PCDHA1: variants seen among roughly 807,000 people sequenced by gnomAD.
The protein encoded by PCDHA1 is protocadherin alpha 1, also known as protocadherin alpha-1.
PCDHA1 carries 42 observed loss-of-function variants against 61.3 expected under a neutral mutation model. The ratio of observed to expected loss-of-function variants is 0.69; its 90% CI spans 0.54 to 0.89. The LOEUF is 0.89. Among genes scored for constraint, PCDHA1 ranks in the 40% least tolerant of loss-of-function variants. PCDHA1 has a pLI of 0.00. For missense variants in PCDHA1, 1,256 were observed against 1,235.3 expected, an observed-to-expected ratio of 1.02 and a Z score of -0.25; for synonymous variants, 610 against 553.8, an observed-to-expected ratio of 1.10 and a Z score of -1.43.
At chr5:140,877,605 G>A (rs1554169915) in intron 1 of PCDHA1, 1 of 1,613,856 alleles carries the variant, frequency 6.2e-7, no homozygotes, top group Non-Finnish European at 8.5e-7. Context: ...CCAGCCTGCT[G>A]GTGCTCACGC....
At chr5:140,905,928 A>G (rs2072211023) in intron 1 of PCDHA1, among the ~76,000 whole-genome samples, 1 of 152,238 alleles carries the variant, frequency 6.6e-6, no homozygotes, top group Admixed American at 6.5e-5. Context: ...TGAGTCCCAA[A>G]GCTGAAGAAC....
At chr5:140,806,640 G>GA (rs11459112) in intron 1 of PCDHA1, among the ~76,000 whole-genome samples, 75,457 of 151,900 alleles carry the variant, frequency 0.5, 19,052 homozygotes, top group Middle Eastern at 0.62. Context: ...ATACTAGGGT[G>GA]AAGAGGGTGT....
rs2150125758 is a variant in PCDHA1 at position 140,823,426 on chromosome 5, C to A, written c.2394+34742C>A. 13 of 1,613,328 alleles carry A rather than the reference C, an allele frequency of 8.1e-6. No individual in the cohort carries two copies. The East Asian group carries it at 8.9e-5, about 11-fold the overall frequency. On this transcript the variant is annotated intron_variant, in intron 1 of 3. Coordinates refer to ENST00000504120, the MANE Select transcript of PCDHA1 (RefSeq NM_018900.4). Reference sequence around the variant, plus strand: ...GCCTCTGGGCAGCAACGTGACGCTGCAGGTGTTCGTGCTGGACGAGAACGA... The same window carrying A: ...GCCTCTGGGCAGCAACGTGACGCTGAAGGTGTTCGTGCTGGACGAGAACGA...
intron 1 of PCDHA1, among the ~76,000 whole-genome samples, chr5:140,972,955 C>T (rs1450892735): frequency 6.6e-6 from 1 of 152,080 alleles, no homozygotes; most frequent in African/African-American, 2.4e-5. Context: ...AGCCACCATG[C>T]CCGGCAAAGG....
Position 140,786,981 on chromosome 5 carries a change from A to T in PCDHA1, c.691A>T (p.Thr231Ser). 6.2e-7 allele frequency: 1 copy of T among 1,614,174 alleles called. No individual in the cohort carries two copies. The highest frequency in any genetic ancestry group is 8.5e-7 in the Non-Finnish European group (1 of 1,180,010). The change falls in exon 1 of 4, where the codon ACC (threonine) becomes TCC (serine). Residue 231 changes from threonine to serine, a missense_variant. Physicochemically the swap from Thr to Ser is moderately conservative, Grantham distance 58. Coordinates refer to ENST00000504120, the MANE Select transcript of PCDHA1 (RefSeq NM_018900.4). ...GCAAGGTACAGTTGAGCTGCTGATC[A>T]CCGTCCTCGACGTTAATGATAACGC... ...ELQGTVELLI[T>S]VLDVNDNAPL... is the part of the protein sequence containing the mutation.
chr5:140,878,790 CTT>C (rs2057728380), intron 1 of PCDHA1, among the ~76,000 whole-genome samples: 1 of 152,154 alleles, frequency 6.6e-6, no homozygotes. Context: ...TGTTCAATCA[CTT>C]TTTAAAAACA....
At chr5:140,791,289 A>G (rs1216730029) in intron 1 of PCDHA1, among the ~76,000 whole-genome samples, 2 of 152,212 alleles carry the variant, frequency 1.3e-5, no homozygotes, top group African/African-American at 2.4e-5. Flanking sequence ...TCCAAGCAGA[A>G]TTATGTAACT....
At chr5:140,914,542 T>C (rs1323797101) in intron 1 of PCDHA1, among the ~76,000 whole-genome samples, 2 of 152,202 alleles carry the variant, frequency 1.3e-5, no homozygotes, top group Non-Finnish European at 2.9e-5. Context: ...ACTTTATTTC[T>C]TTTTATTGGA....
chr5:141,008,400 T>A (rs1347375750), intron 3 of PCDHA1, among the ~76,000 whole-genome samples: 3 of 152,082 alleles, frequency 2.0e-5, no homozygotes, highest in African/African-American at 7.2e-5. Context: ...GATGTCAGAG[T>A]TCCAATGTCA....
At position 141,009,998 on chromosome 5, in the gene PCDHA1, T is replaced by C. The variant is rs1046818514; in HGVS notation, c.*61T>C. 6 of 1,575,876 alleles carry C rather than the reference T, an allele frequency of 3.8e-6. No individual in the cohort carries two copies. The African/African-American group carries it at 5.5e-5, about 14-fold the overall frequency. ...TTGTAATAATGGCAAATCTCTCCCA[T>C]GTAGCAATTCCCTGCTCCTTTTTCC... is the stretch of plus-strand genomic sequence containing the variant. On this transcript the variant is annotated 3_prime_UTR_variant, in exon 4 of 4. Transcript: ENST00000504120.
At chr5:140,809,261 G>T (rs1554125107) in intron 1 of PCDHA1, 2 of 1,613,992 alleles carry the variant, frequency 1.2e-6, no homozygotes, top group Non-Finnish European at 1.7e-6. Context: ...TCCCGATGCT[G>T]CGCTGGTGGA....
At chr5:140,843,828 T>G (rs1779111398) in intron 1 of PCDHA1, 1 of 1,176,020 alleles carries the variant, frequency 8.5e-7, no homozygotes, top group South Asian at 1.5e-5. Context: ...ATTTAAACAT[T>G]GTTTAGTTTT....
chr5:140,826,337 GAACCC>G (rs1768904080), intron 1 of PCDHA1, among the ~76,000 whole-genome samples: 1 of 152,056 alleles, frequency 6.6e-6, no homozygotes, highest in Non-Finnish European at 1.5e-5. Flanking sequence ...TTAAGAAATT[GAACCC>G]TTTGTTTGCC....
chr5:140,902,180 A>G (rs991898675), intron 1 of PCDHA1, among the ~76,000 whole-genome samples: 2 of 140,608 alleles, frequency 1.4e-5, no homozygotes, highest in East Asian at 4.1e-4. Context: ...GATGTCCTTT[A>G]TGTCTTCTCT....
chr5:140,850,365 G>A (rs2150481125), intron 1 of PCDHA1: 1 of 1,597,962 alleles, frequency 6.3e-7, no homozygotes, highest in South Asian at 1.1e-5. Context: ...CCCGTTCCGC[G>A]TGGGGCTGTA....
At chr5:140,960,273 C>T (rs1490527862) in intron 1 of PCDHA1, among the ~76,000 whole-genome samples, 1 of 152,148 alleles carries the variant, frequency 6.6e-6, no homozygotes, top group Non-Finnish European at 1.5e-5. Context: ...AATTCCGTCA[C>T]CTTTTTGGGA....
intron 1 of PCDHA1, among the ~76,000 whole-genome samples, chr5:140,974,552 C>A (rs1554236185): frequency 6.6e-6 from 1 of 152,112 alleles, no homozygotes; most frequent in Non-Finnish European, 1.5e-5. Context: ...GCTCTTGTTG[C>A]CCAGGCTGGA....
chr5:140,997,124 C>T (rs933067358), intron 3 of PCDHA1, among the ~76,000 whole-genome samples: 2 of 152,074 alleles, frequency 1.3e-5, no homozygotes, highest in Non-Finnish European at 2.9e-5. Context: ...CCCACATACA[C>T]AATGCCCCCA....
chr5:141,002,141 A>G (rs1554258528), intron 3 of PCDHA1, among the ~76,000 whole-genome samples: 3 of 152,258 alleles, frequency 2.0e-5, no homozygotes, highest in Admixed American at 6.5e-5. Context: ...TGCCGGCTGC[A>G]CTGACTTAGC....
Sources: allele counts gnomAD v4.1 joint callset (sites outside exome capture counted in the v4.1 genomes callset), GRCh38; gene constraint gnomAD v4.1.1; transcripts MANE v1.5; gene names NCBI Gene and HGNC (gene_info 2026-07-23, HGNC 2026-07-21).